Variants in SLC15A1 observed in about 807,000 individuals in gnomAD.
The protein encoded by SLC15A1 is solute carrier family 15 member 1.
SLC15A1 carries 83 observed loss-of-function variants against 92.9 expected under a neutral mutation model. The ratio of observed to expected loss-of-function variants is 0.89; its 90% CI spans 0.75 to 1.07. SLC15A1 has a LOEUF of 1.07. Among genes scored for constraint, SLC15A1 ranks in the 50% least tolerant of loss-of-function variants. The pLI is 0.00. For synonymous variants in SLC15A1, 322 were observed against 318.2 expected, an observed-to-expected ratio of 1.01 and a Z score of -0.13; for missense variants, 857 against 880.1, an observed-to-expected ratio of 0.97 and a Z score of 0.33.
At position 98,729,542 on chromosome 13, in the gene SLC15A1, T is replaced by C. The variant is rs548727721; in HGVS notation, c.5-2683A>G. ...ACATAAGAGAGTTTTATCACTTCCCTGGTTCCAAACGCCAGAAAGACCACG... is the reference window on the plus strand; with the variant it reads ...ACATAAGAGAGTTTTATCACTTCCCCGGTTCCAAACGCCAGAAAGACCACG... On this transcript the variant is annotated intron_variant, in intron 1 of 22. Coordinates refer to ENST00000376503, the MANE Select transcript of SLC15A1 (RefSeq NM_005073.4). Among the ~76,000 whole-genome samples the C allele has an allele frequency of 2.1e-4, 32 of 152,304 alleles. No individual in the cohort carries two copies. The East Asian group carries it at 5.4e-3, about 26-fold the overall frequency.
intron 9 of SLC15A1, among the ~76,000 whole-genome samples, chr13:98,713,663 G>A (rs1481477743): frequency 6.6e-6 from 1 of 152,128 alleles, no homozygotes; most frequent in Non-Finnish European, 1.5e-5. Flanking sequence ...TGTTGTTTAG[G>A]AAAAAGGCCT....
At chr13:98,747,512 G>T (rs1324561878) in intron 1 of SLC15A1, among the ~76,000 whole-genome samples, 1 of 152,142 alleles carries the variant, frequency 6.6e-6, no homozygotes, top group African/African-American at 2.4e-5. Flanking sequence ...AGCTCAACTA[G>T]CCCATTGAGT....
At chr13:98,691,413 T>C (rs1278021842) in intron 18 of SLC15A1, among the ~76,000 whole-genome samples, 1 of 152,258 alleles carries the variant, frequency 6.6e-6, no homozygotes, top group Non-Finnish European at 1.5e-5. Context: ...ACATTGGATT[T>C]ATTTGTACGC....
chr13:98,713,963 G>T (rs551019574), intron 9 of SLC15A1, among the ~76,000 whole-genome samples: 131 of 151,052 alleles, frequency 8.7e-4, no homozygotes, highest in African/African-American at 3.1e-3. Context: ...TGAGGCAGGA[G>T]AATTGCTTGA....
chr13:98,701,339 A>G (rs2088065140), intron 18 of SLC15A1, among the ~76,000 whole-genome samples: 1 of 152,120 alleles, frequency 6.6e-6, no homozygotes, highest in African/African-American at 2.4e-5. Context: ...CCAACTCTTC[A>G]TTGCTAGTAC....
intron 1 of SLC15A1, among the ~76,000 whole-genome samples, chr13:98,729,052 G>A (rs1594003191): frequency 7.0e-6 from 1 of 142,688 alleles, no homozygotes. Flanking sequence ...TAGCAGATCT[G>A]GAATGTTCTC....
At chr13:98,749,749 C>T (rs908351531) in intron 1 of SLC15A1, among the ~76,000 whole-genome samples, 11 of 152,296 alleles carry the variant, frequency 7.2e-5, no homozygotes, top group Non-Finnish European at 1.6e-4. Flanking sequence ...CTACATCTGG[C>T]CCACTGCCTG....
rs112183967 is a variant in SLC15A1 at position 98,684,382 on chromosome 13, C to T, written c.*342G>A. On this transcript the variant is annotated 3_prime_UTR_variant, in exon 23 of 23. Transcript: ENST00000376503. Reference sequence around the variant, plus strand: ...CCAACATGGTGAAACCCCATCTCTACTAAAAATACAAAAATAGCTGGGCGT... The same window carrying T: ...CCAACATGGTGAAACCCCATCTCTATTAAAAATACAAAAATAGCTGGGCGT... 7.3e-4 allele frequency: 130 copies of T among 178,350 alleles called. 1 individual carries two copies. Among genetic ancestry groups the T allele is most frequent in the African/African-American group, 3.0e-3 (125 of 42,102 alleles). 11.0% of individuals were successfully genotyped at this position (178,350 alleles called of 1,614,324 possible).
intron 18 of SLC15A1, 106 bp from the exon 19 acceptor site, chr13:98,688,683 T>G (rs556846050): frequency 7.5e-5 from 58 of 773,686 alleles, no homozygotes; most frequent in Non-Finnish European, 1.1e-4. Flanking sequence ...TTGAAGGAGT[T>G]TAAGATGTTT....
intron 18 of SLC15A1, among the ~76,000 whole-genome samples, chr13:98,694,442 G>A (rs1374116172): frequency 6.6e-6 from 1 of 152,020 alleles, no homozygotes; most frequent in Non-Finnish European, 1.5e-5. Context: ...CATTATTTAT[G>A]AAGTACATTA....
chr13:98,703,793 G>A (rs1246581799), intron 17 of SLC15A1, among the ~76,000 whole-genome samples: 1 of 151,768 alleles, frequency 6.6e-6, no homozygotes, highest in Admixed American at 6.6e-5. Context: ...CTTTTTATGT[G>A]CGAATGACAT....
intron 17 of SLC15A1, among the ~76,000 whole-genome samples, chr13:98,703,627 G>A (rs1354233774): frequency 7.5e-6 from 1 of 133,684 alleles, no homozygotes; most frequent in Non-Finnish European, 1.5e-5. Context: ...CATGAACATG[G>A]CTCACTGCAG....
intron 1 of SLC15A1, among the ~76,000 whole-genome samples, chr13:98,748,727 C>A (rs1200836305): frequency 6.6e-6 from 1 of 151,858 alleles, no homozygotes; most frequent in Non-Finnish European, 1.5e-5. Flanking sequence ...CTTCCCACAG[C>A]CTAATTTTAG....
chr13:98,689,302 A>G (rs2087957376), intron 18 of SLC15A1, among the ~76,000 whole-genome samples: 1 of 152,194 alleles, frequency 6.6e-6, no homozygotes, highest in Non-Finnish European at 1.5e-5. Flanking sequence ...CCTAAAAGAT[A>G]GACCCCAGTT....
At chr13:98,751,062 G>C (rs2088541955) in intron 1 of SLC15A1, among the ~76,000 whole-genome samples, 1 of 152,022 alleles carries the variant, frequency 6.6e-6, no homozygotes, top group East Asian at 1.9e-4. Context: ...GCCAAGATCT[G>C]TTCTTAAGAG....
chr13:98,699,805 A>AATTTTTT (rs2088053168), intron 18 of SLC15A1, among the ~76,000 whole-genome samples: 2 of 152,218 alleles, frequency 1.3e-5, no homozygotes, highest in African/African-American at 4.8e-5. Context: ...CAATTATTAC[A>AATTTTTT]GCCACCTGAT....
At chr13:98,704,053 G>A (rs566208306) in intron 17 of SLC15A1, among the ~76,000 whole-genome samples, 2 of 152,268 alleles carry the variant, frequency 1.3e-5, no homozygotes, top group South Asian at 2.1e-4. Context: ...CCCATACAAT[G>A]TCCAGAAGTT....
chr13:98,710,918 C>A (rs1443513172), intron 11 of SLC15A1, among the ~76,000 whole-genome samples: 1 of 151,448 alleles, frequency 6.6e-6, no homozygotes, highest in Non-Finnish European at 1.5e-5. Flanking sequence ...CACAGCCTTG[C>A]GGAGGGTGAT....
At chr13:98,707,413 T>C (rs1593989215) in intron 15 of SLC15A1, among the ~76,000 whole-genome samples, 1 of 152,198 alleles carries the variant, frequency 6.6e-6, no homozygotes, top group East Asian at 1.9e-4. Flanking sequence ...ACAAATACCA[T>C]ATAATGCCAC....
Sources: gnomAD v4.1 joint callset for allele counts (sites outside exome capture counted in the v4.1 genomes callset) on GRCh38, gnomAD v4.1.1 for gene constraint, MANE v1.5 for transcripts, NCBI Gene and HGNC (gene_info 2026-07-23, HGNC 2026-07-21) for gene names.